The following CHRNA7 variants were observed in gnomAD, a reference collection of about 807,000 sequenced individuals.
CHRNA7 encodes cholinergic receptor nicotinic alpha 7 subunit.
In CHRNA7, 17 loss-of-function variants were observed where a neutral mutation model predicts 48.0. That is an observed-to-expected ratio of 0.35 (90% CI 0.24 to 0.53). The LOEUF (loss-of-function observed/expected upper bound fraction) is 0.53. Ranked by LOEUF, CHRNA7 falls within the 20% of genes least tolerant of loss-of-function variation. The probability of loss-of-function intolerance (pLI) is 0.92; values close to 1 mark genes in which losing one functional copy is unlikely to be tolerated. For synonymous variants in CHRNA7, 75 were observed against 242.3 expected (o/e 0.31, Z 6.41); for missense variants, 155 against 577.7 (o/e 0.27, Z 7.50).
intron 2 of CHRNA7, among the ~76,000 whole-genome samples, chr15:32,052,005 T>C (rs1352217904): frequency 1.3e-5 from 2 of 152,148 alleles, no homozygotes; most frequent in African/African-American, 2.4e-5. Context: ...GAGCTCAAAA[T>C]TTTCCACTTT....
chr15:32,054,935 C>T (rs757429970), intron 2 of CHRNA7, among the ~76,000 whole-genome samples: 1 of 152,186 alleles, frequency 6.6e-6, no homozygotes, highest in Admixed American at 6.5e-5. Context: ...CATAGGGCAG[C>T]GTGTTTTTAA....
chr15:32,095,947 C>G (rs548979199), intron 2 of CHRNA7, among the ~76,000 whole-genome samples: 23 of 152,310 alleles, frequency 1.5e-4, no homozygotes, highest in African/African-American at 5.5e-4. Context: ...AAACAGGTTT[C>G]TGTACTTAGC....
chr15:32,072,527 A>G (rs1294359349), intron 2 of CHRNA7, among the ~76,000 whole-genome samples: 3 of 152,226 alleles, frequency 2.0e-5, no homozygotes, highest in Non-Finnish European at 2.9e-5. Context: ...GGCAAGCACT[A>G]ATAGCCAAGA....
At chr15:32,105,615 C>T (rs889416884) in intron 3 of CHRNA7, among the ~76,000 whole-genome samples, 2 of 152,110 alleles carry the variant, frequency 1.3e-5, no homozygotes, top group East Asian at 1.9e-4. Flanking sequence ...AGAGGCCAGA[C>T]GTGGGAGAAA....
intron 4 of CHRNA7, among the ~76,000 whole-genome samples, chr15:32,131,511 C>G (rs1318572771): frequency 1.3e-5 from 2 of 152,096 alleles, no homozygotes; most frequent in East Asian, 1.9e-4. Flanking sequence ...TTTTTCAGTT[C>G]TAAATTTTCA....
intron 4 of CHRNA7, among the ~76,000 whole-genome samples, chr15:32,121,680 C>A (rs749675811): frequency 2.0e-4 from 30 of 152,208 alleles, no homozygotes; most frequent in Non-Finnish European, 3.5e-4. Flanking sequence ...CTGTCTGGGA[C>A]AGCCCGGGTT....
At chr15:32,087,775 A>G (rs1263893135) in intron 2 of CHRNA7, among the ~76,000 whole-genome samples, 3 of 152,182 alleles carry the variant, frequency 2.0e-5, no homozygotes, top group African/African-American at 4.8e-5. Flanking sequence ...AACTTCATCA[A>G]GTAGAGTGCA....
At chr15:32,058,948 G>A (rs895121648) in intron 2 of CHRNA7, among the ~76,000 whole-genome samples, 4 of 152,034 alleles carry the variant, frequency 2.6e-5, no homozygotes, top group Admixed American at 2.0e-4. Flanking sequence ...TGTTCTTAAT[G>A]ACTGTACCTG....
chr15:32,150,607 A>G (rs62004460), intron 4 of CHRNA7, among the ~76,000 whole-genome samples: 21,975 of 152,222 alleles, frequency 0.14, 1,782 homozygotes, highest in Admixed American at 0.2. Context: ...AATTAACACA[A>G]CGGTAGTCTC....
chr15:32,117,615 C>A (rs927952102), intron 4 of CHRNA7, among the ~76,000 whole-genome samples: 4 of 152,090 alleles, frequency 2.6e-5, no homozygotes, highest in Non-Finnish European at 5.9e-5. Flanking sequence ...TCAGCCAGAG[C>A]AGAGGAGGCA....
chr15:32,044,707 G>C (rs995215218), intron 2 of CHRNA7, among the ~76,000 whole-genome samples: 3 of 152,224 alleles, frequency 2.0e-5, no homozygotes, highest in Non-Finnish European at 4.4e-5. Flanking sequence ...TCTCCCCAGG[G>C]AATATTTGGC....
chr15:32,147,209 G>T (rs1001806828), intron 4 of CHRNA7, among the ~76,000 whole-genome samples: 1 of 152,182 alleles, frequency 6.6e-6, no homozygotes, highest in Non-Finnish European at 1.5e-5. Context: ...GGTACTCATG[G>T]ACATAAAGAT....
At chr15:32,110,695 A>G (rs1028226755) in intron 3 of CHRNA7, among the ~76,000 whole-genome samples, 2 of 152,024 alleles carry the variant, frequency 1.3e-5, no homozygotes, top group African/African-American at 4.8e-5. Flanking sequence ...CCCTCCTTTG[A>G]TGTTGTTTTC....
chr15:32,101,197 C>T, intron 2 of CHRNA7, 106 bp from the exon 3 acceptor site: 1 of 1,211,978 alleles, frequency 8.3e-7, no homozygotes. Context: ...CTAATTTCCA[C>T]ACACAACAAC....
chr15:32,109,968 C>T (rs1196970082), intron 3 of CHRNA7, among the ~76,000 whole-genome samples: 2 of 152,206 alleles, frequency 1.3e-5, no homozygotes, highest in Non-Finnish European at 2.9e-5. Flanking sequence ...CCTGTCTCCC[C>T]TCCCTCTCTG....
intron 4 of CHRNA7, among the ~76,000 whole-genome samples, chr15:32,127,470 T>C (rs1452637764): frequency 6.6e-6 from 1 of 152,160 alleles, no homozygotes; most frequent in Non-Finnish European, 1.5e-5. Flanking sequence ...GTGTTATCAC[T>C]ATTTTTTTTA....
chr15:32,034,949 G>A (rs916728753), intron 2 of CHRNA7, among the ~76,000 whole-genome samples: 3 of 152,156 alleles, frequency 2.0e-5, no homozygotes, highest in Admixed American at 6.5e-5. Flanking sequence ...AGGAGAGAAA[G>A]GTAACGGACA....
At chr15:32,150,589 G>A (rs2051605907) in intron 4 of CHRNA7, among the ~76,000 whole-genome samples, 1 of 152,274 alleles carries the variant, frequency 6.6e-6, no homozygotes, top group South Asian at 2.1e-4. Context: ...AGTTAAACAG[G>A]ACACATAAAT....
chr15:32,117,037 G>A (rs537021877), intron 4 of CHRNA7, among the ~76,000 whole-genome samples: 3 of 152,304 alleles, frequency 2.0e-5, no homozygotes, highest in African/African-American at 4.8e-5. Context: ...GTTGCCAAGC[G>A]TCTTAGGGAA....
Sources: allele counts gnomAD v4.1 joint callset (sites outside exome capture counted in the v4.1 genomes callset), GRCh38; gene constraint gnomAD v4.1.1; transcripts MANE v1.5; gene names NCBI Gene and HGNC (gene_info 2026-07-23, HGNC 2026-07-21).